Variants in SEMA3A observed in about 807,000 individuals in gnomAD.
SEMA3A encodes the protein semaphorin 3A.
Under a neutral mutation model 97.9 loss-of-function variants are expected in SEMA3A, and 29 were observed. That is an observed-to-expected ratio of 0.30 (90% confidence interval 0.22 to 0.40). The LOEUF is 0.40. Among genes scored for constraint, SEMA3A ranks in the 10% least tolerant of loss-of-function variants. SEMA3A has a pLI of 1.00. For synonymous variants in SEMA3A, 321 were observed against 323.7 expected (o/e 0.99, Z 0.09); for missense variants, 763 against 951.3 (o/e 0.80, Z 2.60).
At chr7:84,426,277 C>CAGACAGATAGATAGAT (rs1554384466) in intron 1 of SEMA3A, among the ~76,000 whole-genome samples, 2 of 132,994 alleles carry the variant, frequency 1.5e-5, no homozygotes, top group African/African-American at 5.7e-5. Context: ...GATATATAGA[C>CAGACAGATAGATAGAT]AGATAGATAG....
chr7:84,425,490 A>G (rs1261191102), intron 1 of SEMA3A, among the ~76,000 whole-genome samples: 1 of 142,130 alleles, frequency 7.0e-6, no homozygotes, highest in African/African-American at 2.6e-5. Context: ...TAAAAATATA[A>G]TTATATGCAT....
chr7:84,062,483 A>G (rs901812573), intron 4 of SEMA3A, among the ~76,000 whole-genome samples: 1 of 152,294 alleles, frequency 6.6e-6, no homozygotes, highest in African/African-American at 2.4e-5. Context: ...GAAGATGGTG[A>G]TTTCTGCATT....
In SEMA3A at chr7:83,961,135, A is replaced by G; in HGVS notation, c.*236T>C. On this transcript the variant is annotated 3_prime_UTR_variant, in exon 17 of 17. Coordinates refer to ENST00000265362, the MANE Select transcript of SEMA3A (RefSeq NM_006080.3). Reference sequence around the variant, plus strand: ...TCTCATAGGAAACATTAAGTCTGCTAAAGTGAACATCTGCATTCACCTGTG... The same window carrying G: ...TCTCATAGGAAACATTAAGTCTGCTGAAGTGAACATCTGCATTCACCTGTG... 1.9e-6 allele frequency: 1 copy of G among 534,226 alleles called. No homozygotes were observed. The highest frequency in any genetic ancestry group is 3.3e-5 in the Admixed American group (1 of 30,628). 33.1% of individuals were successfully genotyped at this position (534,226 alleles called of 1,614,324 possible).
chr7:84,299,277 C>CATAT (rs201847331), intron 3 of SEMA3A, among the ~76,000 whole-genome samples: 34 of 135,166 alleles, frequency 2.5e-4, no homozygotes, highest in African/African-American at 6.4e-4. Flanking sequence ...TATATATCTC[C>CATAT]ATATATATAT....
At chr7:83,979,104 T>C (rs1789286418) in intron 14 of SEMA3A, among the ~76,000 whole-genome samples, 1 of 151,894 alleles carries the variant, frequency 6.6e-6, no homozygotes, top group Admixed American at 6.6e-5. Context: ...GAAGAAATAA[T>C]ACTCATTTTA....
At chr7:84,026,668 C>T (rs1791558558) in intron 6 of SEMA3A, among the ~76,000 whole-genome samples, 1 of 152,082 alleles carries the variant, frequency 6.6e-6, no homozygotes. Flanking sequence ...ACTATGCAGC[C>T]ATAAAAAGGA....
rs560154213 is a variant in SEMA3A at position 83,959,682 on chromosome 7, A to G, written c.*1689T>C. On this transcript the variant is annotated 3_prime_UTR_variant, in exon 17 of 17. Coordinates refer to ENST00000265362, the MANE Select transcript of SEMA3A (RefSeq NM_006080.3). ...ATTGATGCTGAGTTAATTAGAATCCAAAGACAGCTAGAGTTAGAATTTCAA... is the reference window on the plus strand; with the variant it reads ...ATTGATGCTGAGTTAATTAGAATCCGAAGACAGCTAGAGTTAGAATTTCAA... 2.6e-5 allele frequency: 4 copies of G among 152,158 alleles called. No individual in the cohort carries two copies. In the South Asian group the frequency reaches 8.3e-4, roughly 32 times the overall value. 9.4% of individuals were successfully genotyped at this position (152,158 alleles called of 1,614,324 possible). A position where few individuals can be genotyped will look rare whatever the true frequency, so the allele number is the denominator to read the frequency against.
At chr7:84,180,624 G>C (rs10245369) in intron 1 of SEMA3A, among the ~76,000 whole-genome samples, 103 of 152,230 alleles carry the variant, frequency 6.8e-4, no homozygotes, top group African/African-American at 2.4e-3. Context: ...GGAGGCTGAA[G>C]TTGCAGTGAG....
At chr7:84,488,017 T>A (rs960472887) in intron 1 of SEMA3A, among the ~76,000 whole-genome samples, 2 of 152,064 alleles carry the variant, frequency 1.3e-5, no homozygotes, top group Non-Finnish European at 2.9e-5. Flanking sequence ...AACTATGTGT[T>A]GGTTTAATAA....
chr7:84,064,290 A>T (rs952830351), intron 4 of SEMA3A, among the ~76,000 whole-genome samples: 1 of 152,220 alleles, frequency 6.6e-6, no homozygotes. Context: ...GGAAAGGAAC[A>T]ACTGGTACCA....
At chr7:84,206,256 A>G (rs1038219463) in intron 3 of SEMA3A, among the ~76,000 whole-genome samples, 14 of 152,184 alleles carry the variant, frequency 9.2e-5, no homozygotes, top group African/African-American at 3.1e-4. Flanking sequence ...AAAGAAAGTA[A>G]AATAAGCCAA....
chr7:84,127,576 T>C (rs1003209415), intron 3 of SEMA3A, among the ~76,000 whole-genome samples: 5 of 152,212 alleles, frequency 3.3e-5, no homozygotes, highest in African/African-American at 1.2e-4. Context: ...ATATGTTTAA[T>C]ATATAATTTT....
intron 1 of SEMA3A, among the ~76,000 whole-genome samples, chr7:84,427,237 A>AT (rs1202961553): frequency 1.2e-4 from 19 of 152,204 alleles, no homozygotes; most frequent in Admixed American, 7.2e-4. Flanking sequence ...ATGAAGGGAG[A>AT]TATCTATGAA....
intron 15 of SEMA3A, among the ~76,000 whole-genome samples, chr7:83,974,280 C>G (rs914447216): frequency 2.0e-5 from 3 of 152,032 alleles, no homozygotes; most frequent in African/African-American, 7.2e-5. Context: ...ACCACTCGAG[C>G]CACTTTACAT....
chr7:84,424,801 T>G (rs1804732965), intron 1 of SEMA3A, among the ~76,000 whole-genome samples: 1 of 101,406 alleles, frequency 9.9e-6, no homozygotes, highest in Non-Finnish European at 1.7e-5. Context: ...AAATAATTTA[T>G]ACAAATATAC....
intron 1 of SEMA3A, among the ~76,000 whole-genome samples, chr7:84,160,723 C>A (rs1797004265): frequency 6.6e-6 from 1 of 151,434 alleles, no homozygotes. Flanking sequence ...ACTAATAATA[C>A]AAAAAAATTA....
In SEMA3A at chr7:84,249,368, C is replaced by CATCTATCTATCTATCTATCT. The variant is rs60537339; in HGVS notation, c.-82-54720_-82-54701dup. Among the ~76,000 whole-genome samples the CATCTATCTATCTATCTATCT allele has an allele frequency of 6.7e-3, 965 of 143,214 alleles. 6 individuals carry two copies. The highest frequency in any genetic ancestry group is 0.013 in the East Asian group (64 of 4,770). 94.0% of individuals were successfully genotyped at this position (143,214 alleles called of 152,430 possible). A position where few individuals can be genotyped will look rare whatever the true frequency, so the allele number is the denominator to read the frequency against. Reference sequence around the variant, plus strand: ...AGTCTCTCTCTCTCTCTCTGTCTATCATCTATCTATCTATCTATCTATCTA... The same window carrying CATCTATCTATCTATCTATCT: ...AGTCTCTCTCTCTCTCTCTGTCTATCATCTATCTATCTATCTATCTATCTATCTATCTATCTATCTATCTA... On this transcript the variant is annotated intron_variant, in intron 3 of 3. Coordinates refer to the SEMA3A transcript ENST00000424555.
chr7:84,001,905 G>A (rs759211390), intron 12 of SEMA3A, 50 bp downstream of exon 12: 2 of 1,286,534 alleles, frequency 1.6e-6, no homozygotes, highest in Non-Finnish European at 2.3e-6. Context: ...TGTCCTGGGG[G>A]AAAGACGTAC....
intron 3 of SEMA3A, among the ~76,000 whole-genome samples, chr7:84,280,903 G>T (rs1228713608): frequency 6.6e-6 from 1 of 152,046 alleles, no homozygotes; most frequent in Non-Finnish European, 1.5e-5. Flanking sequence ...GAATTTAGTT[G>T]TATTTATTTA....
Sources: gnomAD v4.1 joint callset for allele counts (sites outside exome capture counted in the v4.1 genomes callset) on GRCh38, gnomAD v4.1.1 for gene constraint, MANE v1.5 for transcripts, NCBI Gene and HGNC (gene_info 2026-07-23, HGNC 2026-07-21) for gene names.